The following LPCAT1 variants were observed in gnomAD, a reference collection of about 807,000 sequenced individuals.
LPCAT1 encodes 1-acylglycerol-3-phosphate O-acyltransferase.
In LPCAT1, 23 loss-of-function variants were observed where a neutral mutation model predicts 60.9. That is an observed-to-expected ratio of 0.38 (90% CI 0.27 to 0.53). LPCAT1 has a LOEUF of 0.53. Ranked by LOEUF, LPCAT1 falls within the 20% of genes least tolerant of loss-of-function variation. The pLI is 0.82. For missense variants in LPCAT1, 622 were observed against 723.6 expected (o/e 0.86, Z 1.61); for synonymous variants, 340 against 301.1 (o/e 1.13, Z -1.34).
chr5:1,513,528 A>G (rs1414040819), intron 1 of LPCAT1, among the ~76,000 whole-genome samples: 2 of 152,250 alleles, frequency 1.3e-5, no homozygotes. Flanking sequence ...CTGTGGGCAC[A>G]GGCTAAGCTT....
intron 12 of LPCAT1, among the ~76,000 whole-genome samples, chr5:1,468,886 C>T (rs1375722951): frequency 6.6e-6 from 1 of 152,218 alleles, no homozygotes; most frequent in East Asian, 1.9e-4. Context: ...CTCTCTCACA[C>T]GAGACTGCTC....
In LPCAT1 at chr5:1,481,550, C is replaced by T. The variant is rs1032928614; in HGVS notation, c.727-574G>A. 2.6e-5 allele frequency among the ~76,000 whole-genome samples: 4 copies of T among 152,286 alleles called. No individual in the cohort carries two copies. Among genetic ancestry groups the T allele is most frequent in the East Asian group, 1.9e-4 (1 of 5,206 alleles). On this transcript the variant is annotated intron_variant, in intron 6 of 13. Transcript: ENST00000283415. This position sits in a 1 kb window ranked among gnomAD's most constrained non-coding sequence, Gnocchi z 7.8. ...GCCGTGACGGCAGAGGCCCAGACACCGTCACCCTGGGGTGGACCTTCTGCT... is the reference window on the plus strand; with the variant it reads ...GCCGTGACGGCAGAGGCCCAGACACTGTCACCCTGGGGTGGACCTTCTGCT...
At chr5:1,468,138 C>G (rs568233565) in intron 12 of LPCAT1, among the ~76,000 whole-genome samples, 1 of 152,212 alleles carries the variant, frequency 6.6e-6, no homozygotes, top group Non-Finnish European at 1.5e-5. Context: ...CGCGTTCACA[C>G]CCTCTTCCCG....
In LPCAT1 at chr5:1,523,478, G is replaced by A. The variant is rs541885179; in HGVS notation, c.135+232C>T. ...CGGGGACCCCGAGGAAGGCGCTGAG[G>A]GACCAGGATGCGCGTGCGGGCGGCG... is the stretch of plus-strand genomic sequence containing the variant. On this transcript the variant is annotated intron_variant, in intron 1 of 13. Coordinates refer to ENST00000283415, the MANE Select transcript of LPCAT1 (RefSeq NM_024830.5). The surrounding 1 kb of genome is among the most constrained non-coding windows in gnomAD (Gnocchi z 7.1). Among the ~76,000 whole-genome samples the A allele has an allele frequency of 1.2e-3, 177 of 151,736 alleles. 1 individual carries two copies. Among genetic ancestry groups the A allele is most frequent in the African/African-American group, 3.9e-3 (163 of 41,472 alleles).
At chr5:1,513,056 G>A (rs899578551) in intron 1 of LPCAT1, among the ~76,000 whole-genome samples, 3 of 152,192 alleles carry the variant, frequency 2.0e-5, no homozygotes, top group African/African-American at 7.2e-5. Flanking sequence ...AGAGCCCCAC[G>A]GAGGGAGGGC....
chr5:1,473,671 G>A (rs965672763), intron 11 of LPCAT1, among the ~76,000 whole-genome samples: 3 of 152,232 alleles, frequency 2.0e-5, no homozygotes, highest in Non-Finnish European at 4.4e-5. Context: ...GAGACCCCAG[G>A]CTGGGTGTCA....
Position 1,469,029 on chromosome 5 carries a change from G to A in LPCAT1, c.1278+1797C>T, listed in dbSNP as rs139529947. 4.2e-3 allele frequency among the ~76,000 whole-genome samples: 634 copies of A among 152,364 alleles called. 8 individuals carry two copies. The highest frequency in any genetic ancestry group is 0.015 in the African/African-American group (604 of 41,586). Reference sequence around the variant, plus strand: ...GGTATAGGCTGCAGAAAGGGACATGGGGAAGCAGCCTGCAAGAAGGTGGGA... The same window carrying A: ...GGTATAGGCTGCAGAAAGGGACATGAGGAAGCAGCCTGCAAGAAGGTGGGA... On this transcript the variant is annotated intron_variant, in intron 12 of 13. Transcript: ENST00000283415.
At position 1,495,516 on chromosome 5, in the gene LPCAT1, T is replaced by G. The variant is rs899808143; in HGVS notation, c.279-602A>C. Among the ~76,000 whole-genome samples the G allele has an allele frequency of 2.0e-5, 3 of 152,224 alleles. No homozygotes were observed. Among genetic ancestry groups the G allele is most frequent in the Admixed American group, 1.3e-4 (2 of 15,286 alleles). On this transcript the variant is annotated intron_variant, in intron 2 of 13. Transcript: ENST00000283415. The surrounding 1 kb of genome is among the most constrained non-coding windows in gnomAD (Gnocchi z 4.7). ...AAAGTAAAAATCAGCCTAGGTTAACTGAATTTGTGTACTCTTTATCTCTTT... is the reference window on the plus strand; with the variant it reads ...AAAGTAAAAATCAGCCTAGGTTAACGGAATTTGTGTACTCTTTATCTCTTT...
chr5:1,463,888 G>C, intron 13 of LPCAT1, 53 bp from the exon 14 acceptor site: 1 of 1,582,048 alleles, frequency 6.3e-7, no homozygotes. Context: ...CAAATGTCTA[G>C]GATTTGGAGG....
chr5:1,468,128 C>G (rs746742354), intron 12 of LPCAT1, among the ~76,000 whole-genome samples: 1 of 152,162 alleles, frequency 6.6e-6, no homozygotes, highest in South Asian at 2.1e-4. Flanking sequence ...AAGCTGTCCC[C>G]GCGTTCACAC....
In LPCAT1 at chr5:1,489,829, C is replaced by T. The variant is rs926066773; in HGVS notation, c.523G>A (p.Val175Met). The T allele has an allele frequency of 1.9e-6, 3 of 1,613,816 alleles. No homozygotes were observed. The highest frequency in any genetic ancestry group is 1.3e-5 in the African/African-American group (1 of 75,056). Residue 175 changes from valine (V) to methionine (M), a missense_variant, in exon 4 of 14, where the codon GTG becomes ATG. Around this residue, in one of 3 missense-constraint regions of LPCAT1, gnomAD observed 209 missense variants for 325.5 expected, o/e 0.64. Transcript: ENST00000283415. ...CGAGAATCCTGGTCTGACCGGGACACGAACACAGGCCGTATATACTGGATC... is the reference window on the plus strand; with the variant it reads ...CGAGAATCCTGGTCTGACCGGGACATGAACACAGGCCGTATATACTGGATC... ...TLIQYIRPVF[V>M]SRSDQDSRRK...
chr5:1,507,896 C>G (rs957518904), intron 1 of LPCAT1, among the ~76,000 whole-genome samples: 3 of 152,092 alleles, frequency 2.0e-5, no homozygotes, highest in African/African-American at 7.2e-5. Flanking sequence ...ATGCAGAGAA[C>G]TCCACAAAAC....
chr5:1,469,824 G>C (rs976809664), intron 12 of LPCAT1, among the ~76,000 whole-genome samples: 1 of 152,152 alleles, frequency 6.6e-6, no homozygotes, highest in Non-Finnish European at 1.5e-5. Flanking sequence ...AGTGAAAGCA[G>C]GGCCAGCAGG....
chr5:1,464,925 CACAAA>C (rs1280649160), intron 13 of LPCAT1, among the ~76,000 whole-genome samples: 1 of 150,870 alleles, frequency 6.6e-6, no homozygotes, highest in Non-Finnish European at 1.5e-5. Context: ...TGCGTGCACA[CACAAA>C]ACAAGCACAT....
At chr5:1,489,466 C>T (rs1380081645) in intron 4 of LPCAT1, among the ~76,000 whole-genome samples, 1 of 152,190 alleles carries the variant, frequency 6.6e-6, no homozygotes, top group Admixed American at 6.5e-5. Flanking sequence ...ACCAGGAGGG[C>T]GGGTGAGCAA....
intron 12 of LPCAT1, among the ~76,000 whole-genome samples, chr5:1,468,862 GTGCACT>G (rs1734550735): frequency 6.6e-6 from 1 of 152,218 alleles, no homozygotes; most frequent in African/African-American, 2.4e-5. Flanking sequence ...CAGCACGCTG[GTGCACT>G]TGCCACGCTC....
chr5:1,463,690 TGA>T lies in LPCAT1; in HGVS notation c.1564_1565del (p.Ser522ArgfsTer172). ...TGCGAACAGGCTTCCGCCCAGCGTCTGAGTTTTCCGGGCTGAAATCGGCACAG... is the reference window on the plus strand; with the variant it reads ...TGCGAACAGGCTTCCGCCCAGCGTCTGTTTTCCGGGCTGAAATCGGCACAG... ...GFCADFSPEN[S>X]DAGRKPVRKK... On this transcript the variant is annotated frameshift_variant, in exon 14 of 14. Coordinates refer to ENST00000283415, the MANE Select transcript of LPCAT1 (RefSeq NM_024830.5). LOFTEE classifies it high-confidence loss of function. The T allele has an allele frequency of 1.2e-6, 2 of 1,614,242 alleles. No individual in the cohort carries two copies. Among genetic ancestry groups the T allele is most frequent in the Non-Finnish European group, 1.7e-6 (2 of 1,180,040 alleles).
chr5:1,479,766 G>T, intron 7 of LPCAT1, 91 bp from the exon 8 acceptor site: 1 of 1,000,668 alleles, frequency 1.0e-6, no homozygotes, highest in Non-Finnish European at 1.5e-6. Flanking sequence ...CTCCAGACGC[G>T]CCCTCCAGAG....
At chr5:1,513,224 C>A (rs1736408675) in intron 1 of LPCAT1, among the ~76,000 whole-genome samples, 1 of 152,226 alleles carries the variant, frequency 6.6e-6, no homozygotes, top group Admixed American at 6.5e-5. Flanking sequence ...GCCTCCTCAC[C>A]CGCAAAGCTC....
Sources: gnomAD v4.1 joint callset for allele counts (sites outside exome capture counted in the v4.1 genomes callset) on GRCh38, gnomAD v4.1.1 for gene constraint, gnomAD v4.1.1 regional missense constraint, Gnocchi (gnomAD v3.1) non-coding constraint, MANE v1.5 for transcripts, NCBI Gene and HGNC (gene_info 2026-07-23, HGNC 2026-07-21) for gene names.